Variants in DAB1 observed in about 807,000 individuals in gnomAD.
DAB1 encodes the protein DAB adaptor protein 1, also known as disabled homolog 1.
DAB1 carries 15 observed loss-of-function variants against 64.6 expected under a neutral mutation model. The observed-to-expected ratio is 0.23, with a 90% CI of 0.16 to 0.36. DAB1 has a LOEUF of 0.36. DAB1 is among the 10% of genes least tolerant of loss of function. The probability of loss-of-function intolerance (pLI) is 1.00; values close to 1 mark genes in which losing one functional copy is unlikely to be tolerated. For missense variants in DAB1, 596 were observed against 706.7 expected (o/e 0.84, Z 1.78); for synonymous variants, 235 against 251.9 (o/e 0.93, Z 0.64).
intron 9 of DAB1, among the ~76,000 whole-genome samples, chr1:57,052,543 A>G (rs573787936): frequency 6.6e-6 from 1 of 152,312 alleles, no homozygotes; most frequent in South Asian, 2.1e-4. Context: ...GCAACACCAT[A>G]ACTCACTTCT....
intron 1 of DAB1, among the ~76,000 whole-genome samples, chr1:58,527,941 C>T (rs1646377926): frequency 6.6e-6 from 1 of 152,186 alleles, no homozygotes. Context: ...TATGTGAATG[C>T]TTTCCAGTTA....
intron 2 of DAB1, among the ~76,000 whole-genome samples, chr1:57,157,208 T>A (rs1660309003): frequency 6.6e-6 from 1 of 151,584 alleles, no homozygotes; most frequent in South Asian, 2.1e-4. Flanking sequence ...AGATAAGTAT[T>A]TTTTTTTCCT....
chr1:57,217,428 T>C (rs1285256483), intron 2 of DAB1, among the ~76,000 whole-genome samples: 1 of 152,052 alleles, frequency 6.6e-6, no homozygotes, highest in African/African-American at 2.4e-5. Context: ...TCCTTATCGG[T>C]CCAAAAATGA....
chr1:58,292,351 T>C (rs1661863428), intron 4 of DAB1, among the ~76,000 whole-genome samples: 1 of 152,056 alleles, frequency 6.6e-6, no homozygotes, highest in African/African-American at 2.4e-5. Context: ...GCACACACCA[T>C]ATCAAGAAAA....
chr1:57,627,640 G>T (rs1035110396), intron 7 of DAB1, among the ~76,000 whole-genome samples: 3 of 152,216 alleles, frequency 2.0e-5, no homozygotes, highest in Non-Finnish European at 4.4e-5. Context: ...TATAATAAAT[G>T]TTGAATGAAT....
intron 1 of DAB1, among the ~76,000 whole-genome samples, chr1:57,293,317 A>G (rs1052744702): frequency 2.2e-4 from 34 of 152,108 alleles, no homozygotes; most frequent in African/African-American, 8.0e-4. Context: ...CTCTTTCCCA[A>G]CTTATTTTAT....
chr1:57,724,719 C>T (rs993416251), intron 6 of DAB1, among the ~76,000 whole-genome samples: 27 of 152,258 alleles, frequency 1.8e-4, no homozygotes, highest in African/African-American at 6.0e-4. Context: ...GAGCAGACCT[C>T]TCTGAGAATG....
chr1:57,073,643 C>T (rs1222791363), intron 4 of DAB1, among the ~76,000 whole-genome samples: 1 of 152,082 alleles, frequency 6.6e-6, no homozygotes, highest in Non-Finnish European at 1.5e-5. Flanking sequence ...TGTGTAAACA[C>T]AAGGCACCCA....
intron 3 of DAB1, among the ~76,000 whole-genome samples, chr1:58,491,403 C>G (rs924574539): frequency 1.1e-4 from 16 of 152,144 alleles, no homozygotes; most frequent in Admixed American, 9.8e-4. Flanking sequence ...GGATCAAATT[C>G]ACACATAACA....
At chr1:57,311,746 T>G (rs116458629) in intron 1 of DAB1, among the ~76,000 whole-genome samples, 1 of 152,220 alleles carries the variant, frequency 6.6e-6, no homozygotes, top group Non-Finnish European at 1.5e-5. Flanking sequence ...GCAAAGGTCA[T>G]CAGTGGACAC....
intron 7 of DAB1, among the ~76,000 whole-genome samples, chr1:57,595,149 T>TA (rs1041208464): frequency 3.0e-4 from 45 of 152,216 alleles, no homozygotes; most frequent in African/African-American, 9.4e-4. Flanking sequence ...TTGTTGTTTT[T>TA]AAAAAAATCT....
chr1:57,797,784 T>C (rs1407002781), intron 6 of DAB1, among the ~76,000 whole-genome samples: 2 of 152,228 alleles, frequency 1.3e-5, no homozygotes, highest in Admixed American at 1.3e-4. Context: ...AAATTTCTCA[T>C]CTGAATTGGG....
At chr1:58,066,048 ACAGTGTCCACCACAAGGGTGATGGTAGAG>A (rs1648836676) in intron 5 of DAB1, among the ~76,000 whole-genome samples, 1 of 152,244 alleles carries the variant, frequency 6.6e-6, no homozygotes, top group Non-Finnish European at 1.5e-5. Flanking sequence ...ATGGCACCTC[ACAGTGTCCACCACAAGGGTGATGGTAGAG>A]GAATCTCTGA....
chr1:57,717,527 A>G (rs1360118506), intron 6 of DAB1, among the ~76,000 whole-genome samples: 1 of 152,168 alleles, frequency 6.6e-6, no homozygotes, highest in Non-Finnish European at 1.5e-5. Context: ...TCAAAAAATT[A>G]AAAATAGAAC....
intron 5 of DAB1, among the ~76,000 whole-genome samples, chr1:58,029,816 G>T (rs1646945649): frequency 6.6e-6 from 1 of 152,078 alleles, no homozygotes; most frequent in Non-Finnish European, 1.5e-5. Context: ...AAAAGTAAGT[G>T]TAAATAAAAA....
chr1:58,169,522 G>GA (rs777746665), intron 4 of DAB1, among the ~76,000 whole-genome samples: 83 of 152,120 alleles, frequency 5.5e-4, no homozygotes, highest in Non-Finnish European at 9.1e-4. Context: ...CTCTGATGGG[G>GA]AAAAAAAGCC....
At chr1:57,245,510 C>A (rs970645676) in intron 2 of DAB1, among the ~76,000 whole-genome samples, 3 of 152,118 alleles carry the variant, frequency 2.0e-5, no homozygotes, top group Admixed American at 6.5e-5. Flanking sequence ...CAATTCCCAC[C>A]TATGAGTGAG....
chr1:57,917,861 C>T (rs1644750272), intron 5 of DAB1, among the ~76,000 whole-genome samples: 1 of 152,136 alleles, frequency 6.6e-6, no homozygotes, highest in Admixed American at 6.6e-5. Flanking sequence ...AATAGACAGT[C>T]TCCCATCTAC....
chr1:57,201,421 G>A (rs1362904690), intron 2 of DAB1, among the ~76,000 whole-genome samples: 4 of 151,944 alleles, frequency 2.6e-5, no homozygotes, highest in Admixed American at 1.3e-4. Flanking sequence ...CTCGGTGTCT[G>A]AGGGCACAGT....
Sources: gnomAD v4.1 joint callset for allele counts (sites outside exome capture counted in the v4.1 genomes callset) on GRCh38, gnomAD v4.1.1 for gene constraint, MANE v1.5 for transcripts, NCBI Gene and HGNC (gene_info 2026-07-23, HGNC 2026-07-21) for gene names.